KAZN: variants seen among roughly 807,000 people sequenced by gnomAD.
KAZN encodes kazrin.
In KAZN, 40 loss-of-function variants were observed where a neutral mutation model predicts 87.4. That is an observed-to-expected ratio of 0.46 (90% CI 0.36 to 0.60). The LOEUF is 0.60. KAZN is among the 20% of genes least tolerant of loss of function. The pLI is 0.00. For synonymous variants in KAZN, 466 were observed against 458.3 expected (o/e 1.02, Z -0.22); for missense variants, 898 against 1,073.9 (o/e 0.84, Z 2.29).
chr1:15,034,345 G>A (rs905079524), intron 2 of KAZN, among the ~76,000 whole-genome samples: 3 of 152,242 alleles, frequency 2.0e-5, no homozygotes, highest in African/African-American at 7.2e-5. Context: ...TGGACTGAGT[G>A]GTTCCAGTGG....
intron 1 of KAZN, among the ~76,000 whole-genome samples, chr1:14,762,057 A>G (rs1644755173): frequency 6.6e-6 from 1 of 152,088 alleles, no homozygotes; most frequent in African/African-American, 2.4e-5. Flanking sequence ...TTTCATAAGG[A>G]CACCTGTGAC....
chr1:14,305,663 T>C (rs191454234), intron 2 of KAZN, among the ~76,000 whole-genome samples: 14 of 151,826 alleles, frequency 9.2e-5, no homozygotes, highest in African/African-American at 3.4e-4. Flanking sequence ...CTCCCTTTTT[T>C]TTTTGTTTTC....
chr1:14,437,283 G>A (rs369378204), intron 2 of KAZN, among the ~76,000 whole-genome samples: 6 of 152,134 alleles, frequency 3.9e-5, no homozygotes, highest in African/African-American at 1.2e-4. Flanking sequence ...GCTCACTGCC[G>A]CTCTTAACTC....
Position 14,929,295 on chromosome 1 carries a change from T to G in KAZN, c.227-31389T>G, listed in dbSNP as rs185957821. Among the ~76,000 whole-genome samples, 197 of 152,346 alleles carry G rather than the reference T, an allele frequency of 1.3e-3. 3 individuals are homozygous for G. Among genetic ancestry groups the G allele is most frequent in the South Asian group, 1.4e-3 (7 of 4,828 alleles). ...TGAAGTTTGAAATATTGGGATTTACTCAAACAGGTGACTCCAAAGGGCTGC... is the reference window on the plus strand; with the variant it reads ...TGAAGTTTGAAATATTGGGATTTACGCAAACAGGTGACTCCAAAGGGCTGC... On this transcript the variant is annotated intron_variant, in intron 1 of 14. Transcript: ENST00000376030.
At chr1:15,111,540 A>T (rs974356563) in intron 13 of KAZN, among the ~76,000 whole-genome samples, 10 of 152,186 alleles carry the variant, frequency 6.6e-5, no homozygotes, top group Non-Finnish European at 1.3e-4. Flanking sequence ...GGCCTCCCAC[A>T]GTGCTGGGAT....
intron 1 of KAZN, among the ~76,000 whole-genome samples, chr1:14,831,066 G>T (rs1647035743): frequency 1.3e-5 from 2 of 152,312 alleles, no homozygotes; most frequent in East Asian, 1.9e-4. Flanking sequence ...CACCATGTTG[G>T]CCAGGCTGGT....
intron 1 of KAZN, among the ~76,000 whole-genome samples, chr1:13,942,134 C>T (rs1457374568): frequency 6.6e-6 from 1 of 152,154 alleles, no homozygotes; most frequent in African/African-American, 2.4e-5. Flanking sequence ...GAAAATAGAG[C>T]ATCCCTCAGA....
intron 2 of KAZN, among the ~76,000 whole-genome samples, chr1:14,392,429 T>C (rs1022355024): frequency 6.6e-6 from 1 of 152,114 alleles, no homozygotes. Context: ...ATTCGGTTCC[T>C]AGTTGGCCGG....
intron 1 of KAZN, among the ~76,000 whole-genome samples, chr1:14,149,842 G>T (rs1356440949): frequency 6.6e-6 from 1 of 152,110 alleles, no homozygotes; most frequent in Non-Finnish European, 1.5e-5. Flanking sequence ...TGTTTTACAA[G>T]ATGCATATTT....
In KAZN at chr1:14,997,201, TTTCATTTATTTATTTATTTATTTA is replaced by T. The variant is rs1260499244; in HGVS notation, c.418+36329_418+36352del. Among the ~76,000 whole-genome samples, 20 of 137,408 alleles carry T rather than the reference TTTCATTTATTTATTTATTTATTTA, an allele frequency of 1.5e-4. No individual in the cohort carries two copies. In the East Asian group the frequency reaches 2.3e-3, roughly 16 times the overall value. The allele number at this position is 137,408 out of a possible 152,430, so 90.1% of individuals were successfully genotyped here. Reference sequence around the variant, plus strand: ...GACTCTGTTTTCTTTTCTTTCTTTCTTTCATTTATTTATTTATTTATTTATTTATTTATTTATTTATTTATTTAT... The same window carrying T: ...GACTCTGTTTTCTTTTCTTTCTTTCTTTTATTTATTTATTTATTTATTTAT... On this transcript the variant is annotated intron_variant, in intron 2 of 14. Transcript: ENST00000376030.
intron 2 of KAZN, among the ~76,000 whole-genome samples, chr1:14,279,619 ATTTTC>A (rs925852165): frequency 6.6e-6 from 1 of 152,150 alleles, no homozygotes; most frequent in African/African-American, 2.4e-5. Context: ...TGAACAAATC[ATTTTC>A]TTTATCAGAA....
intron 1 of KAZN, among the ~76,000 whole-genome samples, chr1:14,931,897 T>A (rs1320222808): frequency 6.6e-6 from 1 of 152,190 alleles, no homozygotes; most frequent in Non-Finnish European, 1.5e-5. Context: ...TCTCGCTTTT[T>A]TTCCTCTTTA....
chr1:14,397,171 A>T (rs1414101511), intron 2 of KAZN, among the ~76,000 whole-genome samples: 1 of 152,124 alleles, frequency 6.6e-6, no homozygotes, highest in Non-Finnish European at 1.5e-5. Context: ...CATACAGGTG[A>T]TGTATATTTT....
intron 1 of KAZN, among the ~76,000 whole-genome samples, chr1:14,050,227 T>C (rs905092769): frequency 2.0e-5 from 3 of 151,364 alleles, no homozygotes; most frequent in Admixed American, 1.3e-4. Context: ...CATGTGCACA[T>C]GTATATGTGT....
At chr1:14,026,135 G>A (rs1482493433) in intron 1 of KAZN, among the ~76,000 whole-genome samples, 1 of 152,036 alleles carries the variant, frequency 6.6e-6, no homozygotes, top group Non-Finnish European at 1.5e-5. Context: ...GAATGATAAT[G>A]TATTAAATCT....
At chr1:13,988,953 G>A (rs941364543) in intron 1 of KAZN, among the ~76,000 whole-genome samples, 1 of 152,124 alleles carries the variant, frequency 6.6e-6, no homozygotes, top group Non-Finnish European at 1.5e-5. Flanking sequence ...GAAAACCTGG[G>A]ACTGGGTAAT....
chr1:14,410,582 C>A (rs1571559896), intron 2 of KAZN, among the ~76,000 whole-genome samples: 2 of 152,170 alleles, frequency 1.3e-5, no homozygotes, highest in African/African-American at 4.8e-5. Context: ...GGAAAAAGGA[C>A]CTTCACAGAT....
Position 15,103,519 on chromosome 1 carries a change from CT to C in KAZN, c.1881+60del, listed in dbSNP as rs59499543. The stretch of plus-strand genomic sequence containing the variant: ...GGGCATACACAAACCCCATGCAAAT[CT>C]ATATGCAAATCAATATGCAAATCAC... On this transcript the variant is annotated intron_variant, in intron 12 of 14. Transcript: ENST00000376030. The C allele has an allele frequency of 1.1e-3, 1,184 of 1,105,630 alleles. 21 individuals are homozygous for C. In the African/African-American group the frequency reaches 0.015, roughly 14 times the overall value. 68.5% of individuals were successfully genotyped at this position (1,105,630 alleles called of 1,614,324 possible). A position where few individuals can be genotyped will look rare whatever the true frequency, so the allele number is the denominator to read the frequency against.
chr1:14,952,412 G>T (rs1662605142), intron 1 of KAZN, among the ~76,000 whole-genome samples: 1 of 152,098 alleles, frequency 6.6e-6, no homozygotes, highest in South Asian at 2.1e-4. Flanking sequence ...GATTGGTTGT[G>T]TATCTGGATT....
Sources: gnomAD v4.1 joint callset for allele counts (sites outside exome capture counted in the v4.1 genomes callset) on GRCh38, gnomAD v4.1.1 for gene constraint, MANE v1.5 for transcripts, NCBI Gene and HGNC (gene_info 2026-07-23, HGNC 2026-07-21) for gene names.